The following TSPAN18 variants were observed in gnomAD, a reference collection of about 807,000 sequenced individuals.
TSPAN18 encodes tetraspanin 18, also known as tetraspanin-18.
A neutral mutation model predicts 27.3 loss-of-function variants in TSPAN18; 14 were observed. That is an observed-to-expected ratio of 0.51 (90% CI 0.34 to 0.80). TSPAN18 has a LOEUF of 0.80. Ranked by LOEUF, TSPAN18 falls within the 30% of genes least tolerant of loss-of-function variation. The pLI is 0.01. For synonymous variants in TSPAN18, 143 were observed against 136.5 expected, an observed-to-expected ratio of 1.05 and a Z score of -0.33; for missense variants, 268 against 323.9, an observed-to-expected ratio of 0.83 and a Z score of 1.32.
chr11:44,737,460 G>A (rs932672169), intron 1 of TSPAN18, among the ~76,000 whole-genome samples: 3 of 152,214 alleles, frequency 2.0e-5, no homozygotes, highest in South Asian at 4.1e-4. Context: ...CCCTTCTCCA[G>A]TGTGATAAAT....
intron 2 of TSPAN18, among the ~76,000 whole-genome samples, chr11:44,825,123 G>A (rs907449489): frequency 3.3e-5 from 5 of 151,976 alleles, no homozygotes; most frequent in Admixed American, 2.0e-4. Context: ...ACTCGGGGAG[G>A]AGTTCTGACC....
chr11:44,767,098 G>T (rs1855584683), intron 2 of TSPAN18, among the ~76,000 whole-genome samples: 2 of 152,152 alleles, frequency 1.3e-5, no homozygotes, highest in Non-Finnish European at 2.9e-5. Context: ...GGGTTACCCT[G>T]GAGACACATA....
intron 2 of TSPAN18, among the ~76,000 whole-genome samples, chr11:44,818,342 C>G (rs1856855337): frequency 6.6e-6 from 1 of 152,236 alleles, no homozygotes. Context: ...GGCCCTGACC[C>G]TCACCTTCCT....
At chr11:44,745,460 A>G (rs1855049236) in intron 1 of TSPAN18, among the ~76,000 whole-genome samples, 1 of 152,198 alleles carries the variant, frequency 6.6e-6, no homozygotes, top group Non-Finnish European at 1.5e-5. Flanking sequence ...AAGGATACAA[A>G]ATGATGGCAT....
chr11:44,843,469 G>A (rs568052220), intron 2 of TSPAN18, among the ~76,000 whole-genome samples: 49 of 152,190 alleles, frequency 3.2e-4, no homozygotes, highest in Non-Finnish European at 6.0e-4. Context: ...GGAATGAGGC[G>A]AAATTAAAAT....
At chr11:44,922,247 G>A (rs377337664) in intron 8 of TSPAN18, among the ~76,000 whole-genome samples, 1 of 151,806 alleles carries the variant, frequency 6.6e-6, no homozygotes, top group Non-Finnish European at 1.5e-5. Flanking sequence ...CTCTCAAGTA[G>A]CTGGGACTAC....
intron 1 of TSPAN18, among the ~76,000 whole-genome samples, chr11:44,737,425 G>A (rs1340169460): frequency 3.3e-5 from 5 of 152,118 alleles, no homozygotes; most frequent in Non-Finnish European, 4.4e-5. Flanking sequence ...ACTCCCTGAC[G>A]TCTCCAGCAC....
chr11:44,855,737 TC>T, intron 2 of TSPAN18, among the ~76,000 whole-genome samples: 1 of 151,674 alleles, frequency 6.6e-6, no homozygotes, highest in Middle Eastern at 3.4e-3. Flanking sequence ...AGACTCAGTA[TC>T]CCCCCACACC....
intron 1 of TSPAN18, among the ~76,000 whole-genome samples, chr11:44,762,911 T>A (rs1447272814): frequency 2.6e-5 from 4 of 152,058 alleles, no homozygotes. Context: ...CTTACATCCC[T>A]CCCACTGTGA....
In TSPAN18 at chr11:44,810,604, CTT is replaced by C. The variant is rs34519569; in HGVS notation, c.-153+46106_-153+46107del. Among the ~76,000 whole-genome samples the C allele has an allele frequency of 2.6e-3, 354 of 138,398 alleles. 1 individual carries two copies. Among genetic ancestry groups the C allele is most frequent in the African/African-American group, 8.4e-3 (315 of 37,550 alleles). The allele number at this position is 138,398 out of a possible 152,430, so 90.8% of individuals were successfully genotyped here. A position where few individuals can be genotyped will look rare whatever the true frequency, so the allele number is the denominator to read the frequency against. The stretch of plus-strand genomic sequence containing the variant: ...TGAGCACCTGTTTTCAATTTTTTTT[CTT>C]TTTTTTTTTTTTTGAGACAGGGTCT... On this transcript the variant is annotated intron_variant, in intron 2 of 9. Coordinates refer to ENST00000520358, the MANE Select transcript of TSPAN18 (RefSeq NM_130783.5).
rs561390821 is a variant in TSPAN18 at position 44,742,876 on chromosome 11, G to T, written c.-240+15589G>T. 1.5e-3 allele frequency among the ~76,000 whole-genome samples: 234 copies of T among 152,348 alleles called. 2 individuals are homozygous for T. The highest frequency in any genetic ancestry group is 4.5e-3 in the African/African-American group (187 of 41,578). On this transcript the variant is annotated intron_variant, in intron 1 of 9. Coordinates refer to ENST00000520358, the MANE Select transcript of TSPAN18 (RefSeq NM_130783.5). ...CTTATGGGCCCTGGCTGGGGCCTTG[G>T]CTGAGGACATGGATGGACCCACCAG... is the stretch of plus-strand genomic sequence containing the variant.
At chr11:44,889,725 A>C (rs541850037) in intron 3 of TSPAN18, among the ~76,000 whole-genome samples, 8 of 152,184 alleles carry the variant, frequency 5.3e-5, no homozygotes, top group African/African-American at 9.7e-5. Flanking sequence ...TGGGGGCCAT[A>C]ATTTTCAGCT....
At chr11:44,874,447 A>C (rs12418238) in intron 3 of TSPAN18, among the ~76,000 whole-genome samples, 43,352 of 152,090 alleles carry the variant, frequency 0.29, 7,580 homozygotes, top group East Asian at 0.55. Context: ...CCCTCCCTCT[A>C]ACACTGTGAG....
chr11:44,773,452 A>T (rs1165008524), intron 2 of TSPAN18, among the ~76,000 whole-genome samples: 1 of 152,088 alleles, frequency 6.6e-6, no homozygotes, highest in Admixed American at 6.5e-5. Context: ...CAAACCCACC[A>T]GTGACTGCAG....
intron 2 of TSPAN18, among the ~76,000 whole-genome samples, chr11:44,850,979 A>G (rs1857586271): frequency 6.6e-6 from 1 of 152,266 alleles, no homozygotes; most frequent in African/African-American, 2.4e-5. Context: ...GTAGAAGCCC[A>G]GAGAGGGCAC....
intron 3 of TSPAN18, among the ~76,000 whole-genome samples, chr11:44,890,484 T>G (rs578220768): frequency 4.1e-4 from 62 of 151,982 alleles, no homozygotes; most frequent in Middle Eastern, 3.4e-3. Context: ...AGCACTTTGG[T>G]AGGCCAAGGC....
chr11:44,797,323 C>G (rs1305992630), intron 2 of TSPAN18, among the ~76,000 whole-genome samples: 2 of 152,178 alleles, frequency 1.3e-5, no homozygotes, highest in African/African-American at 4.8e-5. Flanking sequence ...TTTGAGCCCC[C>G]ACTGTAGCCT....
intron 3 of TSPAN18, among the ~76,000 whole-genome samples, chr11:44,878,084 C>T (rs955724238): frequency 6.6e-6 from 1 of 152,018 alleles, no homozygotes; most frequent in African/African-American, 2.4e-5. Context: ...CACCAAAAAC[C>T]AAACAGCATT....
intron 1 of TSPAN18, among the ~76,000 whole-genome samples, chr11:44,741,943 C>A (rs1854946654): frequency 1.3e-5 from 2 of 151,278 alleles, no homozygotes; most frequent in Admixed American, 6.6e-5. Flanking sequence ...CCTTTTTTTC[C>A]TTTGCCTCTC....
Sources: allele counts gnomAD v4.1 joint callset (sites outside exome capture counted in the v4.1 genomes callset), GRCh38; gene constraint gnomAD v4.1.1; transcripts MANE v1.5; gene names NCBI Gene and HGNC (gene_info 2026-07-23, HGNC 2026-07-21).